Variants in NTRK3 observed in about 807,000 individuals in gnomAD.
The protein encoded by NTRK3 is NT-3 growth factor receptor.
Under a neutral mutation model 91.7 loss-of-function variants are expected in NTRK3, and 24 were observed. The ratio of observed to expected loss-of-function variants is 0.26; its 90% CI spans 0.19 to 0.37. NTRK3 has a LOEUF of 0.37. NTRK3 is among the 10% of genes least tolerant of loss of function. NTRK3 has a pLI of 1.00. For missense variants in NTRK3, 880 were observed against 1,068.9 expected, an observed-to-expected ratio of 0.82 and a Z score of 2.46; for synonymous variants, 483 against 404.0, an observed-to-expected ratio of 1.20 and a Z score of -2.34.
intron 3 of NTRK3, among the ~76,000 whole-genome samples, chr15:88,217,992 C>T (rs1046029156): frequency 2.6e-4 from 39 of 152,170 alleles, no homozygotes; most frequent in Non-Finnish European, 1.6e-4. Flanking sequence ...GGCTCTTGTG[C>T]CCATTCTCCA....
chr15:88,077,990 G>C lies in NTRK3; in HGVS notation c.1397-44945C>G, dbSNP rs899312207. Among the ~76,000 whole-genome samples, 24 of 152,308 alleles carry C rather than the reference G, an allele frequency of 1.6e-4. 1 individual carries two copies. The highest frequency in any genetic ancestry group is 1.4e-3 in the Admixed American group (22 of 15,304). ...CCCCACAGGCCTCCTGGGCTACAGG[G>C]ATCCAGCCAGCAGCTCCCATTGGTT... On this transcript the variant is annotated intron_variant, in intron 13 of 18. Transcript: ENST00000394480.
At chr15:88,103,685 C>T (rs578172425) in intron 13 of NTRK3, among the ~76,000 whole-genome samples, 2 of 152,228 alleles carry the variant, frequency 1.3e-5, no homozygotes, top group African/African-American at 2.4e-5. Context: ...AGACAGTGAC[C>T]TTGAAAGGGC....
intron 13 of NTRK3, among the ~76,000 whole-genome samples, chr15:88,088,827 C>T (rs2048744149): frequency 6.6e-6 from 1 of 152,122 alleles, no homozygotes; most frequent in Non-Finnish European, 1.5e-5. Flanking sequence ...TTACACAGGG[C>T]TCATTCCTGG....
intron 13 of NTRK3, among the ~76,000 whole-genome samples, chr15:88,114,190 G>C (rs2151001963): frequency 6.6e-6 from 1 of 152,274 alleles, no homozygotes; most frequent in East Asian, 1.9e-4. Flanking sequence ...TCAGCCTCTG[G>C]ATCCACTGAG....
intron 14 of NTRK3, among the ~76,000 whole-genome samples, chr15:88,008,057 G>A (rs959160575): frequency 6.6e-6 from 1 of 152,174 alleles, no homozygotes; most frequent in African/African-American, 2.4e-5. Context: ...CCATACACTA[G>A]AGAGAGGTTC....
At chr15:88,063,028 TG>T (rs2046351412) in intron 13 of NTRK3, among the ~76,000 whole-genome samples, 1 of 152,212 alleles carries the variant, frequency 6.6e-6, no homozygotes, top group Non-Finnish European at 1.5e-5. Context: ...GCTTTGGGGA[TG>T]GGGGTAACAG....
intron 13 of NTRK3, among the ~76,000 whole-genome samples, chr15:88,079,319 A>T (rs1031133842): frequency 3.3e-5 from 5 of 152,244 alleles, no homozygotes; most frequent in African/African-American, 7.2e-5. Flanking sequence ...CCTCACACAC[A>T]TTAGAGCTTT....
intron 17 of NTRK3, among the ~76,000 whole-genome samples, chr15:87,913,076 T>G (rs1199129395): frequency 6.6e-6 from 1 of 150,428 alleles, no homozygotes; most frequent in African/African-American, 2.4e-5. Context: ...CTTGGCAGTG[T>G]GTAAAGGGGA....
intron 3 of NTRK3, among the ~76,000 whole-genome samples, chr15:88,247,534 T>C (rs571283097): frequency 6.6e-6 from 1 of 152,292 alleles, no homozygotes; most frequent in East Asian, 1.9e-4. Context: ...GAAAAGGAAA[T>C]AACCAACGTG....
chr15:88,135,443 A>G, intron 9 of NTRK3, 46 bp from the exon 10 acceptor site: 5 of 1,595,492 alleles, frequency 3.1e-6, no homozygotes, highest in Non-Finnish European at 8.5e-7. Flanking sequence ...AGAGTCTACC[A>G]CCTCCTGCAG....
chr15:87,961,038 G>T (rs550193658), intron 14 of NTRK3, among the ~76,000 whole-genome samples: 2 of 99,524 alleles, frequency 2.0e-5, no homozygotes, highest in African/African-American at 5.6e-5. Flanking sequence ...ATTCAACACA[G>T]GTGAAGTTTA....
At chr15:87,911,860 G>A (rs916300161) in intron 17 of NTRK3, among the ~76,000 whole-genome samples, 2 of 152,228 alleles carry the variant, frequency 1.3e-5, no homozygotes, top group African/African-American at 4.8e-5. Context: ...TATATAATCA[G>A]TGAAATAAGG....
chr15:88,159,943 T>TACACACACACACACACACACACACAC (rs59254719), intron 5 of NTRK3, among the ~76,000 whole-genome samples: 2 of 111,968 alleles, frequency 1.8e-5, no homozygotes, highest in Admixed American at 9.0e-5. Context: ...CCCAGCCTCC[T>TACACACACACACACACACACACACAC]ACACACACAC....
intron 16 of NTRK3, among the ~76,000 whole-genome samples, chr15:87,930,706 T>G (rs2068719521): frequency 6.6e-6 from 1 of 152,296 alleles, no homozygotes; most frequent in Admixed American, 6.5e-5. Context: ...GTGCGGCCTG[T>G]TGCTAAGAGC....
intron 14 of NTRK3, chr15:87,979,554 T>C: frequency 1.2e-6 from 1 of 826,200 alleles, no homozygotes; most frequent in Non-Finnish European, 2.0e-6. Context: ...GGAGGGGAAA[T>C]AGAGAGGGAG....
exon 10 of NTRK3, chr15:88,135,102 T>A: frequency 6.2e-7 from 1 of 1,614,222 alleles, no homozygotes; most frequent in South Asian, 1.1e-5. Context: ...TGCCCTCACC[T>A]GGAAAGGGCT....
At chr15:88,030,527 C>T (rs1244350823) in intron 14 of NTRK3, among the ~76,000 whole-genome samples, 1 of 152,222 alleles carries the variant, frequency 6.6e-6, no homozygotes, top group African/African-American at 2.4e-5. Flanking sequence ...GATATGATCA[C>T]GAGATCATAT....
chr15:87,960,988 A>T (rs947800785), intron 14 of NTRK3, among the ~76,000 whole-genome samples: 3 of 152,206 alleles, frequency 2.0e-5, no homozygotes, highest in South Asian at 2.1e-4. Flanking sequence ...AGTCACAGTG[A>T]TCTCTGATGC....
chr15:88,115,400 C>T (rs995906178), intron 13 of NTRK3, among the ~76,000 whole-genome samples: 1 of 152,226 alleles, frequency 6.6e-6, no homozygotes, highest in Non-Finnish European at 1.5e-5. Flanking sequence ...TGCCCCTCTG[C>T]ACCTCCTTCA....
Sources: allele counts gnomAD v4.1 joint callset (sites outside exome capture counted in the v4.1 genomes callset), GRCh38; gene constraint gnomAD v4.1.1; transcripts MANE v1.5; gene names NCBI Gene and HGNC (gene_info 2026-07-23, HGNC 2026-07-21).